The following PRCP variants were observed in gnomAD, a reference collection of about 807,000 sequenced individuals.
The protein encoded by PRCP is prolylcarboxypeptidase.
In PRCP, 46 loss-of-function variants were observed where a neutral mutation model predicts 54.2. That is an observed-to-expected ratio of 0.85 (90% confidence interval 0.67 to 1.09). The LOEUF (loss-of-function observed/expected upper bound fraction) is 1.09, where lower values mean the gene tolerates loss of function less well. Among genes scored for constraint, PRCP ranks in the 50% least tolerant of loss-of-function variants. The pLI, the probability that PRCP is intolerant of heterozygous loss-of-function variation, is 0.00. For missense variants in PRCP, 613 were observed against 596.8 expected (o/e 1.03, Z -0.28); for synonymous variants, 240 against 212.2 (o/e 1.13, Z -1.14).
At chr11:82,875,170 G>T (rs1171482727) in intron 1 of PRCP, among the ~76,000 whole-genome samples, 1 of 152,210 alleles carries the variant, frequency 6.6e-6, no homozygotes, top group Non-Finnish European at 1.5e-5. Context: ...ACCCTATGGA[G>T]TAGAGAGGCT....
chr11:82,858,778 AAGG>A (rs1859146723), intron 2 of PRCP: 3 of 152,178 alleles, frequency 2.0e-5, no homozygotes, highest in Non-Finnish European at 4.4e-5. Flanking sequence ...ATCTGATGGA[AAGG>A]AGATTTCTCT....
chr11:82,875,875 C>A (rs964581832), intron 1 of PRCP, among the ~76,000 whole-genome samples: 1 of 152,174 alleles, frequency 6.6e-6, no homozygotes, highest in Non-Finnish European at 1.5e-5. Context: ...CGTCTTCTAC[C>A]ACATGGCCCT....
chr11:82,898,296 G>A (rs1211930689), intron 1 of PRCP, among the ~76,000 whole-genome samples: 1 of 152,138 alleles, frequency 6.6e-6, no homozygotes, highest in African/African-American at 2.4e-5. Context: ...CATCAAAAAT[G>A]GAAAAAGAAA....
rs772861870 is a variant in PRCP, at chr11:82,849,072, G to T, written c.898C>A (p.Pro300Thr). 1 of 1,613,844 alleles carries T rather than the reference G, an allele frequency of 6.2e-7. No homozygotes were observed. Among genetic ancestry groups the T allele is most frequent in the South Asian group, 1.1e-5 (1 of 91,030 alleles). ...DYPYASNFLQ[P>T]LPAWPIKVVC... is the part of the protein sequence containing the mutation. ...ACCTTGATAGGCCAAGCAGGCAAAG[G>T]CTGTAAAAAGTTAGAGGCATAAGGA... is the stretch of plus-strand genomic sequence containing the variant. Residue 300 changes from proline (P) to threonine (T), a missense_variant, in exon 6 of 9, where the codon CCT becomes ACT. Physicochemically the swap from Pro to Thr is conservative, Grantham distance 38 (BLOSUM62 -1). Coordinates refer to ENST00000313010, the MANE Select transcript of PRCP (RefSeq NM_005040.4).
intron 6 of PRCP, chr11:82,840,726 C>G (rs1858642396): frequency 6.6e-6 from 1 of 151,606 alleles, no homozygotes. Context: ...GGTTTCCAAC[C>G]AATACACCAT....
intron 1 of PRCP, among the ~76,000 whole-genome samples, chr11:82,870,512 A>T (rs1859454097): frequency 6.6e-6 from 1 of 152,188 alleles, no homozygotes; most frequent in South Asian, 2.1e-4. Flanking sequence ...CTAATTACCG[A>T]GGGAGGAAAC....
chr11:82,824,832 T>C lies in PRCP; in HGVS notation c.*74A>G, dbSNP rs1344827906. The stretch of plus-strand genomic sequence containing the variant: ...TGATAAACAAAAGAAGGTAATTACA[T>C]GTAGAAAATCAAAGTGAATGGGAAT... On this transcript the variant is annotated 3_prime_UTR_variant, in exon 9 of 9. Coordinates refer to ENST00000313010, the MANE Select transcript of PRCP (RefSeq NM_005040.4). 3.6e-6 allele frequency: 5 copies of C among 1,400,874 alleles called. No individual in the cohort carries two copies. Among genetic ancestry groups the C allele is most frequent in the East Asian group, 2.5e-5 (1 of 40,566 alleles). 86.8% of individuals were successfully genotyped at this position (1,400,874 alleles called of 1,614,324 possible).
chr11:82,897,230 T>A (rs1360220084), intron 1 of PRCP, among the ~76,000 whole-genome samples: 1 of 152,150 alleles, frequency 6.6e-6, no homozygotes, highest in Non-Finnish European at 1.5e-5. Context: ...AACTCAATAT[T>A]TGAAGACCTT....
rs1036566845 is a variant in PRCP at position 82,895,777 on chromosome 11, T to C, written c.168+4458A>G. On this transcript the variant is annotated intron_variant, in intron 1 of 8. Transcript: ENST00000313010. Reference sequence around the variant, plus strand: ...AACATGCCCTACAAGGTGCCTAACATAGCTAGACATAACATTTTACTAGAC... The same window carrying C: ...AACATGCCCTACAAGGTGCCTAACACAGCTAGACATAACATTTTACTAGAC... 2.0e-5 allele frequency among the ~76,000 whole-genome samples: 3 copies of C among 152,102 alleles called. No individual in the cohort carries two copies. In the East Asian group the frequency reaches 5.8e-4, roughly 29 times the overall value.
intron 1 of PRCP, among the ~76,000 whole-genome samples, chr11:82,878,983 A>G (rs869088360): frequency 1.3e-5 from 2 of 152,028 alleles, no homozygotes; most frequent in African/African-American, 4.8e-5. Flanking sequence ...CTTCATTTCA[A>G]CTTTGGTGAA....
At chr11:82,854,886 A>T (rs934634510) in intron 2 of PRCP, among the ~76,000 whole-genome samples, 2 of 152,206 alleles carry the variant, frequency 1.3e-5, no homozygotes, top group Non-Finnish European at 2.9e-5. Context: ...CAACAACCTG[A>T]TCTTAAATAA....
chr11:82,839,196 T>C (rs1156455855), intron 7 of PRCP, 65 bp downstream of exon 7: 5 of 1,529,618 alleles, frequency 3.3e-6, no homozygotes, highest in Admixed American at 4.1e-5. Context: ...TACCCTGATT[T>C]TTTTTTACAG....
chr11:82,900,167 C>T (rs910051504), intron 1 of PRCP, 68 bp downstream of exon 1: 2 of 1,563,464 alleles, frequency 1.3e-6, no homozygotes, highest in Non-Finnish European at 8.7e-7. Flanking sequence ...GGCTCCGTTG[C>T]CCGGGCTCTG....
At position 82,848,109 on chromosome 11, in the gene PRCP, G is replaced by T. The variant is rs187062660; in HGVS notation, c.921+940C>A. ...AAGGTATACATGTAATAATTCAAAG[G>T]GGTGGTTAAATTAAAAGTGCATTTG... On this transcript the variant is annotated intron_variant, in intron 6 of 8. Transcript: ENST00000313010. Among the ~76,000 whole-genome samples, 332 of 152,222 alleles carry T rather than the reference G, an allele frequency of 2.2e-3. 1 individual carries two copies. Among genetic ancestry groups the T allele is most frequent in the African/African-American group, 7.7e-3 (321 of 41,532 alleles).
At chr11:82,882,131 G>A (rs1859760483) in intron 1 of PRCP, among the ~76,000 whole-genome samples, 1 of 152,076 alleles carries the variant, frequency 6.6e-6, no homozygotes, top group African/African-American at 2.4e-5. Context: ...ACAGGAGGAG[G>A]AGAAAGAGGA....
chr11:82,884,580 G>A (rs1381090626), intron 1 of PRCP, among the ~76,000 whole-genome samples: 1 of 152,154 alleles, frequency 6.6e-6, no homozygotes. Flanking sequence ...GTTGTGTCAA[G>A]TCTTAAACAT....
At chr11:82,854,684 A>T (rs192279284) in intron 2 of PRCP, among the ~76,000 whole-genome samples, 19 of 152,248 alleles carry the variant, frequency 1.2e-4, no homozygotes, top group African/African-American at 4.3e-4. Context: ...AAACAACAAC[A>T]AACAAACAAA....
At position 82,875,574 on chromosome 11, in the gene PRCP, A is replaced by G. The variant is rs767540580; in HGVS notation, c.169-15457T>C. 3.9e-5 allele frequency among the ~76,000 whole-genome samples: 6 copies of G among 152,302 alleles called. No homozygotes were observed. In the South Asian group the frequency reaches 8.3e-4, roughly 21 times the overall value. On this transcript the variant is annotated intron_variant, in intron 1 of 8. Transcript: ENST00000313010. ...GACAAGGCTCTTTCATCGTTCCACC[A>G]TTTCCTGAGTACTTACTCTGTGTGC...
At chr11:82,876,770 G>A (rs1565232082) in intron 1 of PRCP, among the ~76,000 whole-genome samples, 1 of 152,136 alleles carries the variant, frequency 6.6e-6, no homozygotes, top group South Asian at 2.1e-4. Flanking sequence ...TCCCAGTCCC[G>A]GGTATGTCTT....
Sources: allele counts gnomAD v4.1 joint callset (sites outside exome capture counted in the v4.1 genomes callset), GRCh38; gene constraint gnomAD v4.1.1; transcripts MANE v1.5; gene names NCBI Gene and HGNC (gene_info 2026-07-23, HGNC 2026-07-21).